The following CDC27 variants were observed in gnomAD, a reference collection of about 807,000 sequenced individuals.
The protein encoded by CDC27 is cell division cycle protein 27 homolog.
Under a neutral mutation model 109.7 loss-of-function variants are expected in CDC27, and 27 were observed. The observed-to-expected ratio is 0.25, with a 90% CI of 0.18 to 0.34. The LOEUF (loss-of-function observed/expected upper bound fraction) is 0.34, where lower values mean the gene tolerates loss of function less well. Ranked by LOEUF, CDC27 falls within the 10% of genes least tolerant of loss-of-function variation. The probability of loss-of-function intolerance (pLI) is 1.00; values close to 1 mark genes in which losing one functional copy is unlikely to be tolerated. For missense variants in CDC27, 579 were observed against 960.2 expected (o/e 0.60, Z 5.25); for synonymous variants, 266 against 333.9 (o/e 0.80, Z 2.22).
chr17:47,168,886 A>T (rs1293028839), intron 4 of CDC27, among the ~76,000 whole-genome samples: 1 of 152,104 alleles, frequency 6.6e-6, no homozygotes, highest in East Asian at 1.9e-4. Context: ...TCTTTAGACA[A>T]GCAGTCCCCA....
intron 2 of CDC27, among the ~76,000 whole-genome samples, chr17:47,177,839 T>C (rs1391728004): frequency 1.4e-5 from 2 of 146,800 alleles, no homozygotes; most frequent in Non-Finnish European, 3.0e-5. Flanking sequence ...AACATAACTC[T>C]TATTTTATAT....
intron 2 of CDC27, among the ~76,000 whole-genome samples, chr17:47,177,702 AG>A (rs909519723): frequency 6.6e-6 from 1 of 152,224 alleles, no homozygotes; most frequent in African/African-American, 2.4e-5. Flanking sequence ...TGTTGACACA[AG>A]GTTTTCAGCT....
In CDC27 at chr17:47,119,537, T is replaced by G. The variant is rs1453747166; in HGVS notation, c.*1398A>C. 1 of 152,190 alleles carries G rather than the reference T, an allele frequency of 6.6e-6. No individual in the cohort carries two copies. The highest frequency in any genetic ancestry group is 6.6e-5 in the Admixed American group (1 of 15,266). 9.4% of individuals were successfully genotyped at this position (152,190 alleles called of 1,614,324 possible). ...ATAATAACTGTAGGCCTGTCATTCA[T>G]AAGAAACTATAATTTGTTATATTCT... On this transcript the variant is annotated 3_prime_UTR_variant, in exon 19 of 19. Transcript: ENST00000066544.
intron 17 of CDC27, among the ~76,000 whole-genome samples, chr17:47,123,520 C>T (rs968677329): frequency 3.3e-5 from 5 of 150,186 alleles, no homozygotes; most frequent in Admixed American, 1.3e-4. Flanking sequence ...AAGTGATTCT[C>T]GTGCCTCAGC....
rs191120547 is a variant in CDC27 at position 47,142,197 on chromosome 17, T to C, written c.1378+32A>G. 1.2e-5 allele frequency: 16 copies of C among 1,323,244 alleles called. No homozygotes were observed. In the East Asian group the frequency reaches 2.0e-4, roughly 16 times the overall value. The allele number at this position is 1,323,244 out of a possible 1,614,324, so 82.0% of individuals were successfully genotyped here. A position where few individuals can be genotyped will look rare whatever the true frequency, so the allele number is the denominator to read the frequency against. On this transcript the variant is annotated intron_variant, in intron 11 of 18. Transcript: ENST00000066544. ...TACTTAAAATAAGTACATAATAAAATACAAAGATAATATTAAGCATTTAAA... is the reference window on the plus strand; with the variant it reads ...TACTTAAAATAAGTACATAATAAAACACAAAGATAATATTAAGCATTTAAA...
At position 47,143,970 on chromosome 17, in the gene CDC27, C is replaced by T. The variant is rs773012442; in HGVS notation, c.1083G>A (p.Gln361=). 6.9e-7 allele frequency: 1 copy of T among 1,445,228 alleles called. No homozygotes were observed. Among genetic ancestry groups the T allele is most frequent in the Non-Finnish European group, 9.2e-7 (1 of 1,088,178 alleles). 89.5% of individuals were successfully genotyped at this position (1,445,228 alleles called of 1,614,324 possible). A position where few individuals can be genotyped will look rare whatever the true frequency, so the allele number is the denominator to read the frequency against. The change falls in exon 10 of 19, where the codon CAG becomes CAA. Residue 361 remains glutamine, a synonymous_variant. Coordinates refer to ENST00000066544, the MANE Select transcript of CDC27 (RefSeq NM_001256.6). ...SSGPQTSTTP[Q]VLSPTITSPP... The stretch of plus-strand genomic sequence containing the variant: ...GAGATGTAATAGTGGGGCTCAATAC[C>T]TGAGGTGTTGTACTAAAAAAAAATT...
chr17:47,149,088 A>G (rs944679524), intron 9 of CDC27, among the ~76,000 whole-genome samples: 9 of 151,550 alleles, frequency 5.9e-5, no homozygotes, highest in Non-Finnish European at 1.3e-4. Flanking sequence ...AAAAAAAAAA[A>G]AAAAAAAAGA....
At chr17:47,177,587 T>TG (rs1331884605) in intron 2 of CDC27, among the ~76,000 whole-genome samples, 1 of 152,014 alleles carries the variant, frequency 6.6e-6, no homozygotes, top group Non-Finnish European at 1.5e-5. Flanking sequence ...AACAAAAACA[T>TG]TTTGCAGTGT....
chr17:47,125,921 T>C (rs2062125976), intron 16 of CDC27, among the ~76,000 whole-genome samples: 1 of 152,198 alleles, frequency 6.6e-6, no homozygotes, highest in Non-Finnish European at 1.5e-5. Context: ...AGAATTGATA[T>C]GTTTTCTTTC....
intron 4 of CDC27, among the ~76,000 whole-genome samples, chr17:47,167,580 T>A: frequency 6.6e-6 from 1 of 152,240 alleles, no homozygotes; most frequent in East Asian, 1.9e-4. Context: ...TCAAATTTTA[T>A]GACAGAACGT....
chr17:47,171,379 T>C (rs2063807661), intron 3 of CDC27, among the ~76,000 whole-genome samples: 1 of 152,232 alleles, frequency 6.6e-6, no homozygotes, highest in Non-Finnish European at 1.5e-5. Flanking sequence ...CGTTTACACA[T>C]GTGACCGTTT....
At chr17:47,158,179 A>T in intron 5 of CDC27, 27 bp downstream of exon 5, 1 of 1,026,400 alleles carries the variant, frequency 9.7e-7, no homozygotes, top group African/African-American at 1.7e-5. Context: ...ATGGGAACCC[A>T]CCCACCTCTC....
chr17:47,154,496 G>A (rs2063240207), intron 8 of CDC27, among the ~76,000 whole-genome samples, 176 bp downstream of exon 8: 1 of 152,058 alleles, frequency 6.6e-6, no homozygotes, highest in Admixed American at 6.6e-5. Flanking sequence ...CTGTAACCAA[G>A]AGGCTACAAC....
intron 3 of CDC27, 102 bp from the exon 4 acceptor site, chr17:47,170,144 ATT>A: frequency 6.1e-6 from 5 of 823,494 alleles, no homozygotes; most frequent in Non-Finnish European, 8.9e-6. Flanking sequence ...GGAGACACAA[ATT>A]TTTTCTCTCT....
At chr17:47,164,677 C>T (rs2063592258) in intron 4 of CDC27, among the ~76,000 whole-genome samples, 1 of 152,094 alleles carries the variant, frequency 6.6e-6, no homozygotes, top group African/African-American at 2.4e-5. Flanking sequence ...ATTAGCTGGG[C>T]ATGGTGGCGC....
chr17:47,140,503 G>T (rs533374385), intron 12 of CDC27, among the ~76,000 whole-genome samples: 2 of 152,272 alleles, frequency 1.3e-5, no homozygotes, highest in East Asian at 3.9e-4. Context: ...TTCAGAATCT[G>T]TTGCTTCCTC....
rs11570537 is a variant in CDC27, at chr17:47,138,975, C to T, written c.1552-84G>A. 2,719 of 900,320 alleles carry T rather than the reference C, an allele frequency of 3.0e-3. 40 individuals carry two copies. The highest frequency in any genetic ancestry group is 0.03 in the African/African-American group (1,785 of 59,402). 55.8% of individuals were successfully genotyped at this position (900,320 alleles called of 1,614,324 possible). On this transcript the variant is annotated intron_variant, in intron 12 of 18. Coordinates refer to ENST00000066544, the MANE Select transcript of CDC27 (RefSeq NM_001256.6). ...GGGAAAGCCCTGGTCATTATCTTCA[C>T]AGGATCTAAATGCTGCCTTGTATTA... is the stretch of plus-strand genomic sequence containing the variant.
intron 8 of CDC27, 134 bp downstream of exon 8, chr17:47,154,538 C>G (rs2148907300): frequency 1.8e-6 from 1 of 569,994 alleles, no homozygotes; most frequent in South Asian, 2.4e-5. Context: ...TTAGATCACC[C>G]TCTACCTGCT....
chr17:47,170,119 A>G (rs2063770127), intron 3 of CDC27, 77 bp from the exon 4 acceptor site: 8 of 1,170,680 alleles, frequency 6.8e-6, no homozygotes, highest in Non-Finnish European at 9.3e-6. Flanking sequence ...TCATTACCAA[A>G]GTGCATCTAA....
Sources: gnomAD v4.1 joint callset for allele counts (sites outside exome capture counted in the v4.1 genomes callset) on GRCh38, gnomAD v4.1.1 for gene constraint, MANE v1.5 for transcripts, NCBI Gene and HGNC (gene_info 2026-07-23, HGNC 2026-07-21) for gene names.